RGS6: variants seen among roughly 807,000 people sequenced by gnomAD.
The protein encoded by RGS6 is regulator of G protein signaling 6.
A neutral mutation model predicts 78.5 loss-of-function variants in RGS6; 30 were observed. That is an observed-to-expected ratio of 0.38 (90% CI 0.29 to 0.52). The LOEUF is 0.52. RGS6 is among the 20% of genes least tolerant of loss of function. The pLI is 0.85. For missense variants in RGS6, 495 were observed against 609.7 expected, an observed-to-expected ratio of 0.81 and a Z score of 1.98; for synonymous variants, 206 against 206.0, an observed-to-expected ratio of 1.00 and a Z score of 0.00.
At chr14:72,508,660 C>T (rs1188808618) in intron 13 of RGS6, among the ~76,000 whole-genome samples, 1 of 131,728 alleles carries the variant, frequency 7.6e-6, no homozygotes, top group Non-Finnish European at 1.5e-5. Flanking sequence ...ATGATTTAAT[C>T]TCTTACTGTC....
the RGS6 span, among the ~76,000 whole-genome samples, chr14:72,574,937 G>A: frequency 2.0e-5 from 3 of 152,118 alleles, no homozygotes; most frequent in Admixed American, 1.3e-4. Flanking sequence ...GGAAAGATTT[G>A]TGTGATGCTA....
chr14:72,469,069 C>T (rs547938268), intron 7 of RGS6, among the ~76,000 whole-genome samples: 1 of 152,286 alleles, frequency 6.6e-6, no homozygotes, highest in Admixed American at 6.5e-5. Context: ...CGCCCATCCT[C>T]ATGTTCCATT....
At chr14:72,424,187 A>G (rs961305787) in intron 3 of RGS6, among the ~76,000 whole-genome samples, 1 of 152,140 alleles carries the variant, frequency 6.6e-6, no homozygotes, top group Non-Finnish European at 1.5e-5. Flanking sequence ...TCCTGGAGTC[A>G]CAAGGGCAGG....
At chr14:72,305,197 T>C (rs2066964188) in intron 2 of RGS6, among the ~76,000 whole-genome samples, 1 of 152,260 alleles carries the variant, frequency 6.6e-6, no homozygotes. Flanking sequence ...TTCTATGATA[T>C]GAAGTTGAAA....
chr14:72,525,408 C>T (rs2097104965), intron 15 of RGS6, among the ~76,000 whole-genome samples: 2 of 152,140 alleles, frequency 1.3e-5, no homozygotes, highest in South Asian at 2.1e-4. Flanking sequence ...TCTGCTTGGC[C>T]TTGATGAACT....
chr14:72,401,468 G>C (rs1566742626), intron 3 of RGS6, among the ~76,000 whole-genome samples: 1 of 151,820 alleles, frequency 6.6e-6, no homozygotes, highest in Non-Finnish European at 1.5e-5. Flanking sequence ...TAGAAATACA[G>C]AGCCAAAAGT....
At chr14:72,278,602 A>G (rs1344903550) in intron 2 of RGS6, among the ~76,000 whole-genome samples, 2 of 152,240 alleles carry the variant, frequency 1.3e-5, no homozygotes, top group Non-Finnish European at 2.9e-5. Flanking sequence ...ACGTACATAC[A>G]TATACATTTA....
chr14:72,515,324 T>G (rs571922445), intron 14 of RGS6, among the ~76,000 whole-genome samples: 8 of 152,276 alleles, frequency 5.3e-5, no homozygotes, highest in Admixed American at 3.9e-4. Flanking sequence ...AATTCTTGGT[T>G]TTATGTGACA....
chr14:72,137,437 A>C (rs1043561699), intron 2 of RGS6, among the ~76,000 whole-genome samples: 11 of 152,336 alleles, frequency 7.2e-5, no homozygotes, highest in Middle Eastern at 3.4e-3. Context: ...CTCAGATCTC[A>C]CAGGTAAAGG....
chr14:72,261,585 A>G (rs892149937), intron 2 of RGS6, among the ~76,000 whole-genome samples: 3 of 152,174 alleles, frequency 2.0e-5, no homozygotes, highest in African/African-American at 7.2e-5. Context: ...CAAAGATAAT[A>G]ATAATGAGAA....
chr14:72,571,024 C>T (rs2097719625), downstream of RGS6, among the ~76,000 whole-genome samples: 1 of 152,082 alleles, frequency 6.6e-6, no homozygotes, highest in East Asian at 1.9e-4. Flanking sequence ...CTCTCCCATA[C>T]CTAAGTTTCA....
intron 2 of RGS6, among the ~76,000 whole-genome samples, chr14:72,057,261 C>G (rs887786657): frequency 2.2e-4 from 29 of 130,264 alleles, no homozygotes. Context: ...TTTCAGTGAG[C>G]TAAGATCGTG....
At chr14:72,567,656 T>C (rs965252062), downstream of RGS6, among the ~76,000 whole-genome samples, 1 of 152,206 alleles carries the variant, frequency 6.6e-6, no homozygotes, top group Admixed American at 6.5e-5. Flanking sequence ...CAGCCTCCAA[T>C]TGTTCATTGA....
intron 2 of RGS6, among the ~76,000 whole-genome samples, chr14:72,320,678 A>G (rs960426456): frequency 2.6e-5 from 4 of 151,704 alleles, no homozygotes; most frequent in African/African-American, 7.2e-5. Flanking sequence ...TTCAGTGAAC[A>G]CTGAGTCTGT....
chr14:72,420,303 C>G (rs1438364701), intron 3 of RGS6, among the ~76,000 whole-genome samples: 1 of 152,212 alleles, frequency 6.6e-6, no homozygotes, highest in South Asian at 2.1e-4. Flanking sequence ...TAGCCAGATG[C>G]TAACTGTCTG....
intron 1 of RGS6, among the ~76,000 whole-genome samples, chr14:71,944,671 A>T (rs2091215827): frequency 6.6e-6 from 1 of 152,236 alleles, no homozygotes; most frequent in Non-Finnish European, 1.5e-5. Flanking sequence ...GACAGGCTTC[A>T]GGAAATAGGA....
At chr14:71,985,185 G>A (rs2332704) in intron 2 of RGS6, among the ~76,000 whole-genome samples, 66,825 of 151,746 alleles carry the variant, frequency 0.44, 15,228 homozygotes, top group East Asian at 0.54. Flanking sequence ...GTGCAGTGGT[G>A]TGATCTCGGC....
intron 2 of RGS6, among the ~76,000 whole-genome samples, chr14:72,168,908 A>T (rs2096968641): frequency 6.6e-6 from 1 of 151,980 alleles, no homozygotes; most frequent in African/African-American, 2.4e-5. Context: ...ATTTGGTCTC[A>T]CTCTGTCATG....
At chr14:72,022,386 T>C (rs2088834786) in intron 2 of RGS6, 2 of 152,150 alleles carry the variant, frequency 1.3e-5, no homozygotes. Flanking sequence ...CTAATTTGTT[T>C]TTCTTTTACA....
Sources: gnomAD v4.1 joint callset for allele counts (sites outside exome capture counted in the v4.1 genomes callset) on GRCh38, gnomAD v4.1.1 for gene constraint, MANE v1.5 for transcripts, NCBI Gene and HGNC (gene_info 2026-07-23, HGNC 2026-07-21) for gene names.